Variants in PHLDB3 observed in about 807,000 individuals in gnomAD.
The protein encoded by PHLDB3 is pleckstrin homology like domain family B member 3.
Under a neutral mutation model 85.7 loss-of-function variants are expected in PHLDB3, and 86 were observed. The ratio of observed to expected loss-of-function variants is 1.00; its 90% CI spans 0.84 to 1.20. PHLDB3 has a LOEUF of 1.20. Ranked by LOEUF, PHLDB3 falls within the 50% of genes most tolerant of loss-of-function variation. PHLDB3 has a pLI of 0.00. For missense variants in PHLDB3, 995 were observed against 873.0 expected, an observed-to-expected ratio of 1.14 and a Z score of -1.76; for synonymous variants, 376 against 349.8, an observed-to-expected ratio of 1.07 and a Z score of -0.83.
chr19:43,488,567 T>G (rs958564736), intron 9 of PHLDB3, among the ~76,000 whole-genome samples: 1 of 152,154 alleles, frequency 6.6e-6, no homozygotes, highest in Non-Finnish European at 1.5e-5. Context: ...ACAAGCTTTA[T>G]GGAGGGCAAC....
chr19:43,475,263 A>AG lies in PHLDB3; in HGVS notation c.*146dup. The AG allele has an allele frequency of 8.7e-7, 1 of 1,152,898 alleles. No individual in the cohort carries two copies. The highest frequency in any genetic ancestry group is 1.6e-5 in the South Asian group (1 of 62,404). 71.4% of individuals were successfully genotyped at this position (1,152,898 alleles called of 1,614,324 possible). On this transcript the variant is annotated 3_prime_UTR_variant, in exon 16 of 16. Transcript: ENST00000292140. ...AACCCAGAACGCAGCAGCTCAGGCC[A>AG]GCTGAACTGCCGCGCCTGCGGAATT...
chr19:43,477,519 A>G (rs1251831616), intron 15 of PHLDB3, among the ~76,000 whole-genome samples: 1 of 148,926 alleles, frequency 6.7e-6, no homozygotes, highest in Non-Finnish European at 1.5e-5. Context: ...TCCATCTAAA[A>G]AAAAAAAAAG....
intron 15 of PHLDB3, among the ~76,000 whole-genome samples, chr19:43,476,973 T>TAA (rs777663885): frequency 7.1e-6 from 1 of 140,402 alleles, no homozygotes. Flanking sequence ...ATTTAAAAAA[T>TAA]AAAAAAAAAA....
intron 13 of PHLDB3, among the ~76,000 whole-genome samples, chr19:43,482,383 T>C (rs1355320119): frequency 6.6e-6 from 1 of 152,164 alleles, no homozygotes; most frequent in Non-Finnish European, 1.5e-5. Flanking sequence ...TAGAGGTTCC[T>C]CTTCTAGGTG....
chr19:43,487,931 A>G (rs921635121), intron 9 of PHLDB3, among the ~76,000 whole-genome samples: 18 of 151,832 alleles, frequency 1.2e-4, no homozygotes, highest in Admixed American at 1.1e-3. Flanking sequence ...AGGCGGGTGA[A>G]TAACTTGAGG....
Position 43,501,754 on chromosome 19 carries a change from C to A in PHLDB3, c.514G>T (p.Gly172Cys). ...LEQQAASEQR[G>C]RQQREQEQRR... ...CAGACCTGTTCCCGCTGCTGGCGGC[C>A]GCGCTGCTCCGAGGCCGCCTGCTGC... The change falls in exon 4 of 16, where the codon GGC becomes TGC. Residue 172 changes from glycine (G) to cysteine (C), a missense_variant. Gly to Cys is a radical substitution (Grantham distance 159, BLOSUM62 -3). Transcript: ENST00000292140. The A allele has an allele frequency of 1.3e-6, 2 of 1,583,216 alleles. No homozygotes were observed.
rs1970999216 is a variant in PHLDB3 at position 43,479,577 on chromosome 19, G to T, written c.1502C>A (p.Pro501His). 1 of 1,496,842 alleles carries T rather than the reference G, an allele frequency of 6.7e-7. No homozygotes were observed. Among genetic ancestry groups the T allele is most frequent in the Non-Finnish European group, 9.1e-7 (1 of 1,100,472 alleles). 92.7% of individuals were successfully genotyped at this position (1,496,842 alleles called of 1,614,324 possible). ...CAAGATTCGCGGGCCTGGAGGGTGG[G>T]GTGGGGTGGGTGGGGCCTGGGGAGC... ...VPAITAPPTP[P>H]HPPGPRILDL... Residue 501 changes from proline to histidine, a missense_variant, in exon 14 of 16, where the codon CCC becomes CAC. Coordinates refer to ENST00000292140, the MANE Select transcript of PHLDB3 (RefSeq NM_198850.4).
chr19:43,501,590 G>C, intron 4 of PHLDB3, 144 bp downstream of exon 4: 1 of 1,406,696 alleles, frequency 7.1e-7, no homozygotes, highest in Non-Finnish European at 9.4e-7. Context: ...ACCAGGAGGG[G>C]CATCTGCCCC....
At chr19:43,489,162 C>G (rs1432455999) in intron 9 of PHLDB3, among the ~76,000 whole-genome samples, 1 of 151,944 alleles carries the variant, frequency 6.6e-6, no homozygotes, top group Non-Finnish European at 1.5e-5. Flanking sequence ...CCAGGTAGAA[C>G]ATAATATCCA....
At chr19:43,502,517 C>T (rs1228037058) in intron 2 of PHLDB3, among the ~76,000 whole-genome samples, 4 of 145,130 alleles carry the variant, frequency 2.8e-5, no homozygotes, top group African/African-American at 7.7e-5. Flanking sequence ...GGCGCGATTA[C>T]GGCTCACTGC....
At chr19:43,485,874 A>T (rs2145906887) in intron 13 of PHLDB3, 1 of 829,878 alleles carries the variant, frequency 1.2e-6, no homozygotes, top group Non-Finnish European at 1.5e-6. Flanking sequence ...AATGATTTTT[A>T]AAAGTTCCAG....
chr19:43,475,578 A>T (rs1022909553), intron 15 of PHLDB3, 34 bp from the exon 16 acceptor site: 1 of 1,612,900 alleles, frequency 6.2e-7, no homozygotes, highest in Admixed American at 1.7e-5. Context: ...TAATTCAGAC[A>T]AAAGACACCG....
intron 4 of PHLDB3, 175 bp downstream of exon 4, chr19:43,501,559 G>A (rs377636830): frequency 7.2e-6 from 9 of 1,252,550 alleles, no homozygotes; most frequent in East Asian, 2.6e-5. Context: ...CAAAAATCTC[G>A]CCCAGGGAGG....
At position 43,497,852 on chromosome 19, in the gene PHLDB3, G is replaced by C. The variant is rs140926664; in HGVS notation, c.559C>G (p.Arg187Gly). Residue 187 changes from arginine (R) to glycine (G), a missense_variant, in exon 5 of 16, where the codon CGG (arginine) becomes GGG (glycine). Physicochemically the swap from Arg to Gly is moderately radical, Grantham distance 125 (BLOSUM62 -2). Transcript: ENST00000292140. ...EQEQRRLSQE[R>G]DRLEGLRQRL... is the part of the protein sequence containing the mutation. ...TGGCGAAGACCCTCTAGGCGATCCC[G>C]TTCCTGGCTCAGCCGCCTCTGTTCC... is the stretch of plus-strand genomic sequence containing the variant. 2 of 1,584,230 alleles carry C rather than the reference G, an allele frequency of 1.3e-6. No homozygotes were observed. Among genetic ancestry groups the C allele is most frequent in the African/African-American group, 1.3e-5 (1 of 74,416 alleles).
At chr19:43,498,193 G>A (rs762933346) in intron 4 of PHLDB3, among the ~76,000 whole-genome samples, 1 of 152,136 alleles carries the variant, frequency 6.6e-6, no homozygotes, top group Non-Finnish European at 1.5e-5. Context: ...AAAAAAATTA[G>A]TGGAGTGTGT....
rs1184666855 is a variant in PHLDB3, at chr19:43,501,754, C to T, written c.514G>A (p.Gly172Ser). 4 of 1,583,098 alleles carry T rather than the reference C, an allele frequency of 2.5e-6. No homozygotes were observed. The highest frequency in any genetic ancestry group is 1.7e-6 in the Non-Finnish European group (2 of 1,169,946). The change falls in exon 4 of 16, where the codon GGC (glycine) becomes AGC (serine). Residue 172 changes from glycine to serine, a missense_variant. Gly to Ser is a moderately conservative substitution (Grantham distance 56, BLOSUM62 0). Coordinates refer to ENST00000292140, the MANE Select transcript of PHLDB3 (RefSeq NM_198850.4). ...LEQQAASEQR[G>S]RQQREQEQRR... ...CAGACCTGTTCCCGCTGCTGGCGGCCGCGCTGCTCCGAGGCCGCCTGCTGC... is the reference window on the plus strand; with the variant it reads ...CAGACCTGTTCCCGCTGCTGGCGGCTGCGCTGCTCCGAGGCCGCCTGCTGC...
rs1302096238 is a variant in PHLDB3, at chr19:43,486,679, G to T, written c.1358C>A (p.Pro453Gln). The T allele has an allele frequency of 2.5e-6, 4 of 1,613,862 alleles. No homozygotes were observed. In the African/African-American group the frequency reaches 5.3e-5, roughly 22 times the overall value. ...GAGCCGCTCCATGTGGGCAATGTCT[G>T]GATGGATGGCCCCACAGCTAGGAGG... ...GRGNSCGAIH[P>Q]DIAHMERLLQ... The change falls in exon 12 of 16, where the codon CCA (proline) becomes CAA (glutamine). Residue 453 changes from proline (P) to glutamine (Q), a missense_variant. Coordinates refer to ENST00000292140, the MANE Select transcript of PHLDB3 (RefSeq NM_198850.4).
chr19:43,479,234 G>A (rs1970987102), intron 14 of PHLDB3, 143 bp downstream of exon 14: 1 of 775,634 alleles, frequency 1.3e-6, no homozygotes, highest in East Asian at 2.7e-5. Context: ...TGGGTTGTAG[G>A]GAAGTTAGGA....
At chr19:43,487,434 G>A (rs1004643836) in intron 9 of PHLDB3, among the ~76,000 whole-genome samples, 46 of 151,808 alleles carry the variant, frequency 3.0e-4, no homozygotes, top group African/African-American at 3.6e-4. Context: ...AATTAGCCGG[G>A]CATGGTGGCA....
Sources: allele counts gnomAD v4.1 joint callset (sites outside exome capture counted in the v4.1 genomes callset), GRCh38; gene constraint gnomAD v4.1.1; transcripts MANE v1.5; gene names NCBI Gene and HGNC (gene_info 2026-07-23, HGNC 2026-07-21).